The following PLEKHG5 variants were observed in gnomAD, a reference collection of about 807,000 sequenced individuals.
PLEKHG5 encodes pleckstrin homology and RhoGEF domain containing G5, also known as pleckstrin homology domain-containing family G member 5.
In PLEKHG5, 52 loss-of-function variants were observed where a neutral mutation model predicts 103.8. That is an observed-to-expected ratio of 0.50 (90% CI 0.40 to 0.63). The LOEUF is 0.63. Ranked by LOEUF, PLEKHG5 falls within the 30% of genes least tolerant of loss-of-function variation. The pLI is 0.00. For missense variants in PLEKHG5, 1,205 were observed against 1,347.6 expected (o/e 0.89, Z 1.66); for synonymous variants, 592 against 575.5 (o/e 1.03, Z -0.41).
chr1:6,468,595 C>A lies in PLEKHG5; in HGVS notation c.2250-9G>T. On this transcript the variant is annotated splice_polypyrimidine_tract_variant and intron_variant, in intron 19 of 20. Coordinates refer to ENST00000377728, the MANE Select transcript of PLEKHG5 (RefSeq NM_020631.6). ...TGGAGCCATCTGAGGCACTGTGGGGCCAGGAGCAGAGTCAGCCCAGGCCAT... is the reference window on the plus strand; with the variant it reads ...TGGAGCCATCTGAGGCACTGTGGGGACAGGAGCAGAGTCAGCCCAGGCCAT... 6.2e-7 allele frequency: 1 copy of A among 1,612,876 alleles called. No homozygotes were observed. The highest frequency in any genetic ancestry group is 8.5e-7 in the Non-Finnish European group (1 of 1,179,912).
Position 6,475,030 on chromosome 1 carries a change from GC to G in PLEKHG5, c.302+16del, listed in dbSNP as rs747162364. On this transcript the variant is annotated intron_variant, in intron 5 of 20. Coordinates refer to ENST00000377728, the MANE Select transcript of PLEKHG5 (RefSeq NM_020631.6). Reference sequence around the variant, plus strand: ...ACTCCCAGTCCCACTTCCACCCTGAGCCCCATCAAGCCCTACCCCAGTGACT... The same window carrying G: ...ACTCCCAGTCCCACTTCCACCCTGAGCCCATCAAGCCCTACCCCAGTGACT... The G allele has an allele frequency of 7.4e-6, 11 of 1,482,668 alleles. No homozygotes were observed. The highest frequency in any genetic ancestry group is 1.0e-5 in the Non-Finnish European group (11 of 1,060,048). 91.8% of individuals were successfully genotyped at this position (1,482,668 alleles called of 1,614,324 possible).
intron 1 of PLEKHG5, among the ~76,000 whole-genome samples, chr1:6,481,616 G>A (rs1259194621): frequency 6.6e-6 from 1 of 151,574 alleles, no homozygotes; most frequent in Non-Finnish European, 1.5e-5. Flanking sequence ...GTAATCCCCA[G>A]CACTTTGGGA....
At chr1:6,485,096 G>A (rs1301329424) in intron 1 of PLEKHG5, among the ~76,000 whole-genome samples, 4 of 152,162 alleles carry the variant, frequency 2.6e-5, no homozygotes, top group Non-Finnish European at 4.4e-5. Flanking sequence ...CCAAGAATTG[G>A]CGGGGACATC....
intron 1 of PLEKHG5, among the ~76,000 whole-genome samples, chr1:6,506,549 C>T (rs1018376613): frequency 3.9e-5 from 6 of 152,204 alleles, no homozygotes; most frequent in African/African-American, 1.2e-4. Context: ...ATGTGCTGCC[C>T]GAGGAGCAAT....
chr1:6,516,887 C>T (rs1388835966), intron 1 of PLEKHG5, among the ~76,000 whole-genome samples: 1,777 of 14,282 alleles, frequency 0.12, 34 homozygotes, highest in Middle Eastern at 0.35. Flanking sequence ...TATATATATA[C>T]ACATATATAT....
In PLEKHG5 at chr1:6,476,004, A is replaced by T. The variant is rs777989539; in HGVS notation, c.76T>A (p.Ser26Thr). 6 of 1,613,644 alleles carry T rather than the reference A, an allele frequency of 3.7e-6. No individual in the cohort carries two copies. Among genetic ancestry groups the T allele is most frequent in the Non-Finnish European group, 4.2e-6 (5 of 1,180,006 alleles). Reference sequence around the variant, plus strand: ...GCGGGGCTGGTGCGCGGCGGGCATGACCGGGTGGACACGTTCCGGGCCAGC... The same window carrying T: ...GCGGGGCTGGTGCGCGGCGGGCATGTCCGGGTGGACACGTTCCGGGCCAGC... Reference protein sequence around the residue: ...SVLARNVSTRSCPPRTSPAVD... With the variant: ...SVLARNVSTRTCPPRTSPAVD... Residue 26 changes from serine (S) to threonine (T), a missense_variant, in exon 3 of 21, where the codon TCA (serine) becomes ACA (threonine). By Grantham distance (58) the Ser-to-Thr change is moderately conservative. Transcript: ENST00000377728.
chr1:6,515,641 C>A (rs1464167600), intron 1 of PLEKHG5, among the ~76,000 whole-genome samples: 3 of 150,900 alleles, frequency 2.0e-5, no homozygotes, highest in Non-Finnish European at 3.0e-5. Flanking sequence ...GCCTGGACAA[C>A]AGAGCAAGAC....
Position 6,477,631 on chromosome 1 carries a change from G to C in PLEKHG5, c.-60C>G. 6.2e-7 allele frequency: 1 copy of C among 1,608,028 alleles called. No homozygotes were observed. Among genetic ancestry groups the C allele is most frequent in the Non-Finnish European group, 8.5e-7 (1 of 1,179,942 alleles). ...AGGTTGAGGGGCCCCCGGCGGTGCAGCTGCTGGCAGTCGGCGTGGTGACAT... is the reference window on the plus strand; with the variant it reads ...AGGTTGAGGGGCCCCCGGCGGTGCACCTGCTGGCAGTCGGCGTGGTGACAT... On this transcript the variant is annotated 5_prime_UTR_variant, in exon 2 of 21. Transcript: ENST00000377728.
At position 6,487,520 on chromosome 1, in the gene PLEKHG5, C is replaced by T. The variant is rs1350401101; in HGVS notation, c.-88+4117G>A. ...TCCCAGCTGGTCCGCACAGGGTCCA[C>T]CTGCCGGTCTTCCTTCTCTCCCTAC... is the stretch of plus-strand genomic sequence containing the variant. On this transcript the variant is annotated intron_variant, in intron 1 of 20. Transcript: ENST00000377728. The surrounding 1 kb of genome is among the most constrained non-coding windows in gnomAD (Gnocchi z 4.1). Among the ~76,000 whole-genome samples the T allele has an allele frequency of 1.3e-5, 2 of 152,230 alleles. No homozygotes were observed. Among genetic ancestry groups the T allele is most frequent in the Non-Finnish European group, 2.9e-5 (2 of 68,042 alleles).
chr1:6,472,867 G>A, intron 9 of PLEKHG5, 119 bp downstream of exon 9: 1 of 945,558 alleles, frequency 1.1e-6, no homozygotes, highest in Non-Finnish European at 1.7e-6. Flanking sequence ...TCTCCAAAGT[G>A]GGCTAATGGT....
At chr1:6,512,354 C>T (rs964246948) in intron 1 of PLEKHG5, among the ~76,000 whole-genome samples, 7 of 152,230 alleles carry the variant, frequency 4.6e-5, no homozygotes, top group Non-Finnish European at 1.0e-4. Flanking sequence ...CTTCTCCCAG[C>T]CCCAGATGTG....
At chr1:6,495,004 G>A (rs992262973), upstream of PLEKHG5, among the ~76,000 whole-genome samples, 2 of 152,202 alleles carry the variant, frequency 1.3e-5, no homozygotes, top group East Asian at 3.9e-4. Context: ...TATGAAGGCT[G>A]GGCCATCCCA....
At chr1:6,470,940 T>C in intron 13 of PLEKHG5, 50 bp downstream of exon 13, 3 of 1,475,634 alleles carry the variant, frequency 2.0e-6, no homozygotes, top group Non-Finnish European at 1.8e-6. Flanking sequence ...CCCGGCCCCG[T>C]CCAGGGTCCC....
chr1:6,503,729 A>T (rs565204887), intron 1 of PLEKHG5, among the ~76,000 whole-genome samples: 3 of 152,240 alleles, frequency 2.0e-5, no homozygotes, highest in African/African-American at 7.2e-5. Flanking sequence ...TTAAAGAGAA[A>T]AATAAAGAGC....
Position 6,468,408 on chromosome 1 carries a change from C to T in PLEKHG5, c.2428G>A (p.Gly810Ser), listed in dbSNP as rs76625876. The T allele has an allele frequency of 0.064, 102,990 of 1,611,382 alleles. 3,657 individuals carry two copies. Among genetic ancestry groups the T allele is most frequent in the Middle Eastern group, 0.078 (470 of 6,062 alleles). Residue 810 changes from glycine (G) to serine (S), a missense_variant, in exon 20 of 21, where the codon GGC (glycine) becomes AGC (serine). Gly to Ser is a moderately conservative substitution (Grantham distance 56). Transcript: ENST00000377728. Reference protein sequence around the residue: ...SELLPLGPVDGRSCSMDSAYG... With the variant: ...SELLPLGPVDSRSCSMDSAYG... ...GCAGAGTCCATGGAGCAGGAGCGGC[C>T]GTCCACCGGACCCAGGGGCAGCAGC...
chr1:6,469,593 C>A lies in PLEKHG5; in HGVS notation c.1884G>T (p.Arg628Ser). The A allele has an allele frequency of 6.2e-7, 1 of 1,613,876 alleles. No homozygotes were observed. The highest frequency in any genetic ancestry group is 8.5e-7 in the Non-Finnish European group (1 of 1,180,040). Residue 628 changes from arginine to serine, a missense_variant, in exon 17 of 21, where the codon AGG becomes AGT. By Grantham distance (110) the Arg-to-Ser change is moderately radical. Transcript: ENST00000377728. Reference sequence around the variant, plus strand: ...CAATCTTGTCCACGAGCAGGGGTGGCCTGATGACCCTGGTCCTCTCTGCCT... The same window carrying A: ...CAATCTTGTCCACGAGCAGGGGTGGACTGATGACCCTGGTCCTCTCTGCCT... ...VKKAERTRVI[R>S]PPLLVDKIVC...
At chr1:6,476,425 T>C (rs1644766909) in intron 2 of PLEKHG5, among the ~76,000 whole-genome samples, 1 of 152,170 alleles carries the variant, frequency 6.6e-6, no homozygotes, top group Non-Finnish European at 1.5e-5. Flanking sequence ...ACTCCTGACC[T>C]GAAGTGATCC....
chr1:6,475,636 C>A, intron 3 of PLEKHG5, 114 bp from the exon 4 acceptor site: 1 of 937,480 alleles, frequency 1.1e-6, no homozygotes, highest in South Asian at 1.3e-5. Flanking sequence ...GACAGGTAAC[C>A]CGCGTGGATT....
intron 1 of PLEKHG5, among the ~76,000 whole-genome samples, chr1:6,480,265 A>C (rs1985246): frequency 0.23 from 35,320 of 151,862 alleles, 5,668 homozygotes; most frequent in African/African-American, 0.45. Context: ...ACGGTGGCTC[A>C]TGCCTGTAAT....
Sources: allele counts gnomAD v4.1 joint callset (sites outside exome capture counted in the v4.1 genomes callset), GRCh38; gene constraint gnomAD v4.1.1; non-coding constraint Gnocchi (gnomAD v3.1); transcripts MANE v1.5; gene names NCBI Gene and HGNC (gene_info 2026-07-23, HGNC 2026-07-21).